C8orf74: variants seen among roughly 807,000 people sequenced by gnomAD.
The protein encoded by C8orf74 is uncharacterized protein C8orf74.
In C8orf74, 29 loss-of-function variants were observed where a neutral mutation model predicts 22.2. The observed-to-expected ratio is 1.31, with a 90% CI of 0.97 to 1.78. C8orf74 has a LOEUF of 1.78. Ranked by LOEUF, C8orf74 falls within the 40% of genes most tolerant of loss-of-function variation. The pLI is 0.00. For missense variants in C8orf74, 515 were observed against 369.9 expected (o/e 1.39, Z -3.22); for synonymous variants, 255 against 163.1 (o/e 1.56, Z -4.30).
intron 2 of C8orf74, among the ~76,000 whole-genome samples, chr8:10,697,204 C>T (rs967724648): frequency 1.3e-5 from 2 of 152,040 alleles, no homozygotes; most frequent in African/African-American, 4.8e-5. Flanking sequence ...TTTAGGAGGC[C>T]GAGGCAGGAG....
intron 2 of C8orf74, among the ~76,000 whole-genome samples, chr8:10,676,128 T>C (rs1178452669): frequency 1.3e-5 from 2 of 152,186 alleles, no homozygotes; most frequent in East Asian, 3.9e-4. Context: ...CTTTCTACTA[T>C]TGTTGCAACT....
chr8:10,698,099 CA>C, intron 3 of C8orf74, 94 bp downstream of exon 3: 1 of 1,243,566 alleles, frequency 8.0e-7, no homozygotes, highest in Non-Finnish European at 1.1e-6. Flanking sequence ...TCCTCAGTGG[CA>C]CACAGGGGAG....
chr8:10,685,791 C>G (rs528919921), intron 2 of C8orf74, among the ~76,000 whole-genome samples: 2 of 152,140 alleles, frequency 1.3e-5, no homozygotes, highest in Non-Finnish European at 2.9e-5. Flanking sequence ...TATAATCGGC[C>G]GGGTAAAGTG....
rs1480726969 is a variant in C8orf74 at position 10,689,355 on chromosome 8, G to T, written c.242-8244G>T. The stretch of plus-strand genomic sequence containing the variant: ...CTTGGTCCAGAGAGATGTGCTCCTT[G>T]GTCCAGAGAGACTACTTGCCCCAAA... On this transcript the variant is annotated intron_variant, in intron 2 of 3. Coordinates refer to ENST00000304519, the MANE Select transcript of C8orf74 (RefSeq NM_001040032.2). The T allele has an allele frequency of 2.0e-5, 3 of 152,178 alleles. No individual in the cohort carries two copies. In the South Asian group the frequency reaches 6.2e-4, roughly 32 times the overall value. 9.4% of individuals were successfully genotyped at this position (152,178 alleles called of 1,614,324 possible).
At chr8:10,695,516 G>C (rs1799472509) in intron 2 of C8orf74, among the ~76,000 whole-genome samples, 1 of 152,214 alleles carries the variant, frequency 6.6e-6, no homozygotes, top group Non-Finnish European at 1.5e-5. Context: ...TCCAAGTGGA[G>C]TGGTGCCCCT....
chr8:10,688,234 GA>G (rs1422571436), intron 2 of C8orf74: 1 of 150,160 alleles, frequency 6.7e-6, no homozygotes, highest in Non-Finnish European at 1.5e-5. Context: ...AAAGAAAAAA[GA>G]AAAAAGAAAA....
In C8orf74 at chr8:10,697,949, C is replaced by T. The variant is rs1405354707; in HGVS notation, c.592C>T (p.Gln198Ter). The T allele has an allele frequency of 6.4e-7, 1 of 1,565,768 alleles. No individual in the cohort carries two copies. The highest frequency in any genetic ancestry group is 8.6e-7 in the Non-Finnish European group (1 of 1,157,502). Reference protein sequence around the residue: ...ALRLERENSLQKAFAAAAPAQ... With the variant: ...ALRLERENSL ...GCGCCTGGAGCGGGAGAACTCGCTG[C>T]AGAAGGCGTTCGCTGCCGCCGCGCC... The change falls in exon 3 of 4, where the codon CAG becomes TAG. Residue 198 changes from glutamine (Q) to a stop codon, truncating the protein, a stop_gained. Transcript: ENST00000304519. LOFTEE classifies it high-confidence loss of function.
intron 2 of C8orf74, chr8:10,690,999 C>G: frequency 2.2e-6 from 1 of 453,706 alleles, no homozygotes; most frequent in Non-Finnish European, 4.4e-6. Flanking sequence ...CCAGCGGCTT[C>G]TCCCTGAGAC....
intron 2 of C8orf74, among the ~76,000 whole-genome samples, chr8:10,683,542 T>C (rs1799196687): frequency 6.6e-6 from 1 of 152,178 alleles, no homozygotes; most frequent in African/African-American, 2.4e-5. Context: ...GTCGCTTTCA[T>C]CTCTGGGGGA....
chr8:10,697,111 T>C (rs145488006), intron 2 of C8orf74, among the ~76,000 whole-genome samples: 1 of 152,258 alleles, frequency 6.6e-6, no homozygotes, highest in East Asian at 1.9e-4. Context: ...CGTGGTACAC[T>C]CGATACCTTT....
At chr8:10,678,119 C>T (rs1211814604) in intron 2 of C8orf74, among the ~76,000 whole-genome samples, 2 of 152,180 alleles carry the variant, frequency 1.3e-5, no homozygotes, top group African/African-American at 4.8e-5. Flanking sequence ...GCTTCCCATG[C>T]CTGAAATTAA....
At chr8:10,680,873 C>A (rs560247526) in intron 2 of C8orf74, among the ~76,000 whole-genome samples, 1 of 152,288 alleles carries the variant, frequency 6.6e-6, no homozygotes, top group African/African-American at 2.4e-5. Flanking sequence ...CGCCTCCTGG[C>A]ATTGTCCCCA....
chr8:10,697,900 C>G lies in C8orf74; in HGVS notation c.543C>G (p.Asp181Glu), dbSNP rs542619097. Residue 181 changes from aspartate (D) to glutamate (E), a missense_variant, in exon 3 of 4, where the codon GAC becomes GAG. Transcript: ENST00000304519. ...AGGCCGAGGCACAGAAGCGCGCCGA[C>G]GTGCTGCTCCTGAAAGAGGCGCTGC... ...LTEAEAQKRADVLLLKEALRL... is the reference protein window; with the variant it reads ...LTEAEAQKRAEVLLLKEALRL... 1.9e-6 allele frequency: 3 copies of G among 1,608,026 alleles called. No individual in the cohort carries two copies. The East Asian group carries it at 6.7e-5, about 36-fold the overall frequency.
chr8:10,673,955 C>G (rs970578474), intron 1 of C8orf74, among the ~76,000 whole-genome samples: 1 of 148,958 alleles, frequency 6.7e-6, no homozygotes, highest in African/African-American at 2.5e-5. Context: ...ACCCTCCGAC[C>G]CCCATATCAT....
intron 2 of C8orf74, chr8:10,692,671 AT>A (rs539835848): frequency 0.028 from 4,030 of 143,638 alleles, 141 homozygotes; most frequent in African/African-American, 0.078. Context: ...CATGCTGGCT[AT>A]TTTTTTTTTT....
intron 2 of C8orf74, among the ~76,000 whole-genome samples, chr8:10,678,831 C>T (rs911913028): frequency 1.3e-5 from 2 of 152,298 alleles, no homozygotes; most frequent in Admixed American, 6.5e-5. Context: ...CGGCTCACCA[C>T]GGTGCCATTC....
intron 2 of C8orf74, among the ~76,000 whole-genome samples, chr8:10,695,481 C>G (rs1019649353): frequency 6.6e-6 from 1 of 152,236 alleles, no homozygotes; most frequent in Non-Finnish European, 1.5e-5. Context: ...ATCCAGGCGT[C>G]ACTCCCAGCA....
intron 2 of C8orf74, among the ~76,000 whole-genome samples, chr8:10,694,526 G>A (rs1026289839): frequency 6.6e-6 from 1 of 152,170 alleles, no homozygotes; most frequent in Admixed American, 6.5e-5. Context: ...AAGAGAAAAG[G>A]AGCAGGTGGG....
chr8:10,690,963 C>T (rs765508533), intron 2 of C8orf74: 1 of 456,234 alleles, frequency 2.2e-6, no homozygotes, highest in South Asian at 1.5e-5. Context: ...GAGCAACTTG[C>T]AGGCACAGAT....
Sources: gnomAD v4.1 joint callset for allele counts (sites outside exome capture counted in the v4.1 genomes callset) on GRCh38, gnomAD v4.1.1 for gene constraint, MANE v1.5 for transcripts, NCBI Gene and HGNC (gene_info 2026-07-23, HGNC 2026-07-21) for gene names.